The following ZEB2 variants were observed in gnomAD, a reference collection of about 807,000 sequenced individuals.
The protein encoded by ZEB2 is zinc finger E-box binding homeobox 2.
A neutral mutation model predicts 99.9 loss-of-function variants in ZEB2; 6 were observed. The ratio of observed to expected loss-of-function variants is 0.06; its 90% CI spans 0.03 to 0.12. The LOEUF (loss-of-function observed/expected upper bound fraction) is 0.12, where lower values mean the gene tolerates loss of function less well. ZEB2 is among the 10% of genes least tolerant of loss of function. The pLI is 1.00. For synonymous variants in ZEB2, 517 were observed against 542.5 expected (o/e 0.95, Z 0.65); for missense variants, 969 against 1,502.8 (o/e 0.64, Z 5.87).
At position 144,399,410 on chromosome 2, in the gene ZEB2, G is replaced by T; in HGVS notation, c.1777C>A (p.Pro593Thr). Residue 593 changes from proline to threonine, a missense_variant, in exon 8 of 10, where the codon CCC becomes ACC. Coordinates refer to ENST00000627532, the MANE Select transcript of ZEB2 (RefSeq NM_014795.4). The surrounding 1 kb of genome is among the most constrained non-coding windows in gnomAD (Gnocchi z 5.6). ...CQFCKESFPG[P>T]IPLHQHERYL... Reference sequence around the variant, plus strand: ...CGTTCATGCTGATGCAAAGGGATGGGGCCAGGAAAACTTTCTTTACAGAAC... The same window carrying T: ...CGTTCATGCTGATGCAAAGGGATGGTGCCAGGAAAACTTTCTTTACAGAAC... 4 of 1,614,112 alleles carry T rather than the reference G, an allele frequency of 2.5e-6. No individual in the cohort carries two copies. The highest frequency in any genetic ancestry group is 3.4e-6 in the Non-Finnish European group (4 of 1,180,004).
chr2:144,384,678 T>C lies in ZEB2; in HGVS notation c.*4773A>G, dbSNP rs920979260. 2.6e-5 allele frequency: 4 copies of C among 152,082 alleles called. No individual in the cohort carries two copies. Among genetic ancestry groups the C allele is most frequent in the African/African-American group, 7.2e-5 (3 of 41,432 alleles). The allele number at this position is 152,082 out of a possible 1,614,324, so 9.4% of individuals were successfully genotyped here. ...AATATTGTCTAAAAAGTTTGTTTTG[T>C]CTGCATGATTTACTAAATATGTACA... On this transcript the variant is annotated 3_prime_UTR_variant, in exon 10 of 10. Transcript: ENST00000627532.
chr2:144,459,078 A>G (rs1704158648), intron 2 of ZEB2, among the ~76,000 whole-genome samples: 2 of 152,186 alleles, frequency 1.3e-5, no homozygotes, highest in Non-Finnish European at 2.9e-5. Context: ...TATATGTATT[A>G]CATATATAAA....
chr2:144,468,131 T>C (rs889069051), intron 2 of ZEB2, among the ~76,000 whole-genome samples: 2 of 151,810 alleles, frequency 1.3e-5, no homozygotes, highest in African/African-American at 2.4e-5. Flanking sequence ...GAGTAACTGA[T>C]AGAGGAGACA....
chr2:144,518,736 G>A (rs1485038238), intron 1 of ZEB2: 1 of 152,150 alleles, frequency 6.6e-6, no homozygotes, highest in African/African-American at 2.4e-5. Context: ...TTGTCCTATT[G>A]ATTTGAAATT....
intron 4 of ZEB2, among the ~76,000 whole-genome samples, chr2:144,406,069 T>A (rs1437949864): frequency 6.6e-6 from 1 of 152,264 alleles, no homozygotes; most frequent in Admixed American, 6.5e-5. Context: ...CACGAGATTC[T>A]TCACCTTGTC....
intron 2 of ZEB2, chr2:144,513,545 G>T (rs1705077498): frequency 1.3e-6 from 2 of 1,529,056 alleles, no homozygotes; most frequent in Non-Finnish European, 1.7e-6. Flanking sequence ...AGCAGTTTCC[G>T]GATTTGATTT....
chr2:144,478,825 T>C (rs1704467211), intron 2 of ZEB2, among the ~76,000 whole-genome samples: 1 of 152,232 alleles, frequency 6.6e-6, no homozygotes, highest in South Asian at 2.1e-4. Context: ...CCTGTGTGAA[T>C]ATACATTATC....
intron 2 of ZEB2, chr2:144,513,988 C>T (rs1705089565): frequency 2.9e-6 from 3 of 1,050,822 alleles, no homozygotes; most frequent in African/African-American, 1.6e-5. Context: ...CCCCCTCACC[C>T]CACTCCCTCT....
intron 2 of ZEB2, among the ~76,000 whole-genome samples, chr2:144,444,019 C>T (rs191504579): frequency 1.4e-3 from 213 of 152,180 alleles, no homozygotes; most frequent in South Asian, 2.5e-3. Context: ...AAAACAAAGA[C>T]GCTGAAAATC....
chr2:144,461,923 AG>A (rs2149904547), intron 2 of ZEB2: 1 of 152,296 alleles, frequency 6.6e-6, no homozygotes, highest in African/African-American at 2.4e-5. Context: ...ACCAGGTTAC[AG>A]AAATAACTAC....
chr2:144,498,282 G>A (rs575401669), intron 2 of ZEB2, among the ~76,000 whole-genome samples: 4 of 148,476 alleles, frequency 2.7e-5, no homozygotes, highest in Non-Finnish European at 4.4e-5. Context: ...GAAGGTCCTC[G>A]CGCTCTATTG....
chr2:144,492,068 C>T (rs1704688273), intron 2 of ZEB2, among the ~76,000 whole-genome samples: 1 of 152,058 alleles, frequency 6.6e-6, no homozygotes, highest in Non-Finnish European at 1.5e-5. Flanking sequence ...TTCAAAGGAT[C>T]GGGGGAGAAG....
chr2:144,441,164 CGAGAGAGAGAGAGAGAGAGAGA>C (rs113731061), intron 2 of ZEB2, among the ~76,000 whole-genome samples: 1 of 88,852 alleles, frequency 1.1e-5, no homozygotes, highest in Admixed American at 1.4e-4. Context: ...TTTAGCTGCA[CGAGAGAGAGAGAGAGAGAGAGA>C]GAGAGAGAGA....
chr2:144,389,673 C>T lies in ZEB2; in HGVS notation c.3423G>A (p.Glu1141=), dbSNP rs1222412726. The T allele has an allele frequency of 6.2e-6, 10 of 1,614,058 alleles. No individual in the cohort carries two copies. The East Asian group carries it at 6.7e-5, about 11-fold the overall frequency. Residue 1141 remains glutamate, a synonymous_variant, in exon 10 of 10, where the codon GAG becomes GAA. Transcript: ENST00000627532. The surrounding 1 kb of genome is among the most constrained non-coding windows in gnomAD (Gnocchi z 6.8). The part of the protein sequence containing the change: ...PRDGESEKEH[E]KEGEDGYGKL... The stretch of plus-strand genomic sequence containing the variant: ...TCCCGTAGCCATCCTCGCCTTCTTT[C>T]TCGTGCTCCTTCTCGCTCTCGCCAT...
At chr2:144,435,941 A>T (rs548310489) in intron 2 of ZEB2, among the ~76,000 whole-genome samples, 84 of 144,994 alleles carry the variant, frequency 5.8e-4, no homozygotes, top group African/African-American at 1.7e-3. Flanking sequence ...TTTTTTTTTT[A>T]AATCACAGTT....
intron 2 of ZEB2, chr2:144,462,569 A>T (rs1292190378): frequency 6.6e-6 from 1 of 152,202 alleles, no homozygotes; most frequent in Non-Finnish European, 1.5e-5. Flanking sequence ...AGAAATTATG[A>T]TATAACTCAA....
In ZEB2 at chr2:144,396,516, C is replaced by T. The variant is rs776367143; in HGVS notation, c.2963G>A (p.Arg988His). The stretch of plus-strand genomic sequence containing the variant: ...ACTCTCTGTCTTCTTGATCTTTTTG[C>T]GAGACAGACAGGAGTCGGAGTCTGT... ...DMTDSDSCLSRKKIKKTESGM... is the reference protein window; with the variant it reads ...DMTDSDSCLSHKKIKKTESGM... The change falls in exon 9 of 10, where the codon CGC (arginine) becomes CAC (histidine). Residue 988 changes from arginine to histidine, a missense_variant. Transcript: ENST00000627532. 4 of 1,614,040 alleles carry T rather than the reference C, an allele frequency of 2.5e-6. No individual in the cohort carries two copies. The highest frequency in any genetic ancestry group is 2.2e-5 in the East Asian group (1 of 44,866).
chr2:144,401,347 G>A, intron 6 of ZEB2, 40 bp from the exon 7 acceptor site: 1 of 1,597,484 alleles, frequency 6.3e-7, no homozygotes. Flanking sequence ...TTGTGCAGGA[G>A]GAACAAAGAA....
intron 4 of ZEB2, among the ~76,000 whole-genome samples, chr2:144,416,104 C>T (rs1042840926): frequency 6.6e-6 from 1 of 152,208 alleles, no homozygotes; most frequent in Non-Finnish European, 1.5e-5. Context: ...AACTTTCGCT[C>T]TCTGATTTCT....
Sources: gnomAD v4.1 joint callset for allele counts (sites outside exome capture counted in the v4.1 genomes callset) on GRCh38, gnomAD v4.1.1 for gene constraint, Gnocchi (gnomAD v3.1) non-coding constraint, MANE v1.5 for transcripts, NCBI Gene and HGNC (gene_info 2026-07-23, HGNC 2026-07-21) for gene names.